CHRNA5: variants seen among roughly 807,000 people sequenced by gnomAD.
CHRNA5 encodes neuronal acetylcholine receptor subunit alpha-5.
CHRNA5 carries 28 observed loss-of-function variants against 41.2 expected under a neutral mutation model. The ratio of observed to expected loss-of-function variants is 0.68; its 90% confidence interval spans 0.50 to 0.93. The LOEUF is 0.93. CHRNA5 is among the 40% of genes least tolerant of loss of function. CHRNA5 has a pLI of 0.00. For missense variants in CHRNA5, 481 were observed against 581.9 expected (o/e 0.83, Z 1.78); for synonymous variants, 188 against 205.8 (o/e 0.91, Z 0.74).
intron 3 of CHRNA5, among the ~76,000 whole-genome samples, chr15:78,587,463 AG>A (rs2141418375): frequency 1.5e-4 from 1 of 6,648 alleles, no homozygotes; most frequent in East Asian, 0.1. Context: ...ACAAGTGCAA[AG>A]GTTTCTGAGC....
At chr15:78,565,941 T>A (rs888598137) in intron 1 of CHRNA5, 116 bp downstream of exon 1, 5 of 438,858 alleles carry the variant, frequency 1.1e-5, no homozygotes, top group African/African-American at 1.0e-4. Flanking sequence ...GGAGGTGGGT[T>A]TTTTTCTCCT....
At chr15:78,585,021 G>A (rs1197494876) in intron 2 of CHRNA5, among the ~76,000 whole-genome samples, 5 of 152,140 alleles carry the variant, frequency 3.3e-5, no homozygotes, top group Non-Finnish European at 2.9e-5. Context: ...CCAGATTCAA[G>A]CGGTTCTCCC....
At chr15:78,567,075 A>G (rs1596053993) in intron 1 of CHRNA5, among the ~76,000 whole-genome samples, 1 of 151,798 alleles carries the variant, frequency 6.6e-6, no homozygotes, top group South Asian at 2.1e-4. Context: ...ACACAGTGAA[A>G]CCCCGTCTCT....
chr15:78,581,636 C>G (rs1596060674), intron 2 of CHRNA5, among the ~76,000 whole-genome samples: 2 of 151,988 alleles, frequency 1.3e-5, no homozygotes, highest in East Asian at 3.8e-4. Flanking sequence ...GCTTTATGTT[C>G]TGATTACAGA....
chr15:78,573,598 A>T (rs2141401354), intron 1 of CHRNA5, among the ~76,000 whole-genome samples: 1 of 152,246 alleles, frequency 6.6e-6, no homozygotes, highest in Admixed American at 6.5e-5. Flanking sequence ...AAGATTTAAG[A>T]ATAATTTGTG....
intron 1 of CHRNA5, among the ~76,000 whole-genome samples, chr15:78,574,502 T>A (rs1460422334): frequency 6.6e-6 from 1 of 152,156 alleles, no homozygotes; most frequent in African/African-American, 2.4e-5. Context: ...GATAATGTAC[T>A]TTATTTCATT....
intron 4 of CHRNA5, chr15:78,589,396 A>G (rs2052989419): frequency 6.4e-6 from 1 of 156,670 alleles, no homozygotes; most frequent in South Asian, 2.0e-4. Context: ...CCATCAAAGT[A>G]AAAAACGGCC....
At position 78,588,454 on chromosome 15, in the gene CHRNA5, T is replaced by A; in HGVS notation, c.413+31T>A. 1.8e-6 allele frequency: 2 copies of A among 1,082,924 alleles called. No individual in the cohort carries two copies. Among genetic ancestry groups the A allele is most frequent in the Non-Finnish European group, 2.6e-6 (2 of 767,604 alleles). The allele number at this position is 1,082,924 out of a possible 1,614,324, so 67.1% of individuals were successfully genotyped here. A position where few individuals can be genotyped will look rare whatever the true frequency, so the allele number is the denominator to read the frequency against. ...TTATATTCTAAATATAGTTTTATAT[T>A]TTCAAAAGAAAACATTTGTATTTCT... On this transcript the variant is annotated intron_variant, in intron 4 of 5. Coordinates refer to ENST00000299565, the Ensembl canonical transcript of CHRNA5. This position sits in a 1 kb window ranked among gnomAD's most constrained non-coding sequence, Gnocchi z 4.1.
intron 1 of CHRNA5, among the ~76,000 whole-genome samples, chr15:78,576,657 C>A (rs1307461846): frequency 6.6e-6 from 1 of 151,640 alleles, no homozygotes; most frequent in Non-Finnish European, 1.5e-5. Flanking sequence ...TGGAACGCAC[C>A]TGTAGTTCCA....
chr15:78,590,159 C>T (rs1331829287), exon 5 of CHRNA5: 1 of 1,613,966 alleles, frequency 6.2e-7, no homozygotes, highest in African/African-American at 1.3e-5. Flanking sequence ...ATACCTTGTT[C>T]CTTATAATAC....
At chr15:78,585,244 C>G (rs937834940) in intron 2 of CHRNA5, among the ~76,000 whole-genome samples, 1 of 152,102 alleles carries the variant, frequency 6.6e-6, no homozygotes, top group Admixed American at 6.6e-5. Flanking sequence ...AGGAAAATTG[C>G]TCTTTGGAAC....
intron 1 of CHRNA5, among the ~76,000 whole-genome samples, chr15:78,567,491 A>G (rs1159417225): frequency 6.6e-6 from 1 of 152,210 alleles, no homozygotes. Context: ...CCCTTCATGC[A>G]TGGTGTTCAG....
chr15:78,588,317 T>C lies in CHRNA5; in HGVS notation c.307T>C (p.Trp103Arg). 1.3e-6 allele frequency: 2 copies of C among 1,519,512 alleles called. No individual in the cohort carries two copies. The highest frequency in any genetic ancestry group is 1.8e-6 in the Non-Finnish European group (2 of 1,110,116). The allele number at this position is 1,519,512 out of a possible 1,614,324, so 94.1% of individuals were successfully genotyped here. ...GGCAGATTTCTTTGTTTTAAAGGAA[T>C]GGATAGATGTAAAATTAAGATGGAA... The change falls in exon 4 of 6, where the codon TGG becomes CGG. Residue 103 changes from tryptophan to arginine, a missense_variant. Trp to Arg is a moderately radical substitution (Grantham distance 101, BLOSUM62 -3). Coordinates refer to ENST00000299565, the Ensembl canonical transcript of CHRNA5. The surrounding 1 kb of genome is among the most constrained non-coding windows in gnomAD (Gnocchi z 4.1).
chr15:78,574,972 T>TAAA (rs375021466), intron 1 of CHRNA5, among the ~76,000 whole-genome samples: 3 of 135,272 alleles, frequency 2.2e-5, no homozygotes, highest in East Asian at 2.1e-4. Flanking sequence ...GACCCTGTCT[T>TAAA]AAAAAAAAAA....
exon 6 of CHRNA5, chr15:78,593,411 C>T (rs200561529): frequency 2.8e-4 from 181 of 638,318 alleles, no homozygotes; most frequent in Admixed American, 1.6e-3. Context: ...TCCATTTGAA[C>T]AGTTGGCTGT....
intron 1 of CHRNA5, among the ~76,000 whole-genome samples, chr15:78,572,212 G>A (rs1487573505): frequency 1.3e-5 from 2 of 152,074 alleles, no homozygotes; most frequent in Non-Finnish European, 2.9e-5. Flanking sequence ...TAAAATGTGC[G>A]CCCCCTTGAC....
chr15:78,585,791 C>CTTCTTTT (rs1555415936), intron 2 of CHRNA5, among the ~76,000 whole-genome samples: 1,460 of 130,612 alleles, frequency 0.011, 37 homozygotes, highest in Non-Finnish European at 0.018. Context: ...TCTTTTCTTT[C>CTTCTTTT]TTTTTTTTTT....
chr15:78,574,866 G>A (rs892749042), intron 1 of CHRNA5, among the ~76,000 whole-genome samples: 40 of 151,606 alleles, frequency 2.6e-4, no homozygotes, highest in East Asian at 1.9e-4. Context: ...CCAGCTACTC[G>A]GGAGGTTGAG....
At chr15:78,582,530 G>T (rs1222844637) in intron 2 of CHRNA5, among the ~76,000 whole-genome samples, 1 of 151,542 alleles carries the variant, frequency 6.6e-6, no homozygotes, top group Admixed American at 6.6e-5. Flanking sequence ...GGTGGGGCTT[G>T]CTCTCAAAGA....
Sources: gnomAD v4.1 joint callset for allele counts (sites outside exome capture counted in the v4.1 genomes callset) on GRCh38, gnomAD v4.1.1 for gene constraint, Gnocchi (gnomAD v3.1) non-coding constraint, MANE v1.5 for transcripts, NCBI Gene and HGNC (gene_info 2026-07-23, HGNC 2026-07-21) for gene names.